AMPH: variants seen among roughly 807,000 people sequenced by gnomAD.
The protein encoded by AMPH is amphiphysin, also known as amphiphysin (Stiff-Mann syndrome with breast cancer 128kD autoantigen).
In AMPH, 49 loss-of-function variants were observed where a neutral mutation model predicts 99.1. The observed-to-expected ratio is 0.49, with a 90% CI of 0.39 to 0.63. The LOEUF (loss-of-function observed/expected upper bound fraction) is 0.63, where lower values mean the gene tolerates loss of function less well. Ranked by LOEUF, AMPH falls within the 20% of genes least tolerant of loss-of-function variation. The probability of loss-of-function intolerance (pLI) is 0.00; values close to 1 mark genes in which losing one functional copy is unlikely to be tolerated. For missense variants in AMPH, 759 were observed against 863.4 expected (o/e 0.88, Z 1.52); for synonymous variants, 314 against 317.3 (o/e 0.99, Z 0.11).
intron 5 of AMPH, among the ~76,000 whole-genome samples, chr7:38,478,833 G>T (rs1169599265): frequency 1.3e-5 from 2 of 152,064 alleles, no homozygotes; most frequent in African/African-American, 4.8e-5. Context: ...AGGAAAAATT[G>T]ATTCAGTGGG....
intron 17 of AMPH, among the ~76,000 whole-genome samples, chr7:38,407,021 C>CCT (rs71558121): frequency 0.045 from 165 of 3,706 alleles, 21 homozygotes; most frequent in South Asian, 0.15. Flanking sequence ...CTAATAGACT[C>CCT]CTCTCTCTCT....
At chr7:38,428,037 T>A in intron 14 of AMPH, 1 of 456,708 alleles carries the variant, frequency 2.2e-6, no homozygotes, top group South Asian at 1.5e-5. Context: ...AATGGCTTGT[T>A]CCCTACAATC....
chr7:38,505,804 C>T (rs1168831590), intron 2 of AMPH, among the ~76,000 whole-genome samples: 3 of 151,884 alleles, frequency 2.0e-5, no homozygotes, highest in African/African-American at 7.3e-5. Flanking sequence ...GGGTCTTTCC[C>T]CTACTAAATA....
chr7:38,517,964 G>T (rs1391425619), intron 2 of AMPH, among the ~76,000 whole-genome samples: 3 of 152,178 alleles, frequency 2.0e-5, no homozygotes, highest in African/African-American at 4.8e-5. Flanking sequence ...TAGAAGGGCT[G>T]AACAGTTTTG....
At chr7:38,580,497 G>A (rs1024223082) in intron 1 of AMPH, among the ~76,000 whole-genome samples, 2 of 152,200 alleles carry the variant, frequency 1.3e-5, no homozygotes, top group East Asian at 1.9e-4. Flanking sequence ...CAGGTTGGAC[G>A]TCCTCCCATA....
At chr7:38,432,161 T>G (rs756074169) in intron 13 of AMPH, 28 bp downstream of exon 13, 2 of 1,603,792 alleles carry the variant, frequency 1.2e-6, no homozygotes, top group Non-Finnish European at 1.7e-6. Flanking sequence ...TCAAGATACA[T>G]GAAAAAACAG....
At chr7:38,543,048 C>T (rs571016286) in intron 1 of AMPH, among the ~76,000 whole-genome samples, 5 of 150,976 alleles carry the variant, frequency 3.3e-5, no homozygotes, top group Non-Finnish European at 5.9e-5. Flanking sequence ...GAGCCGAGAT[C>T]GTGCCACTGC....
At chr7:38,536,724 A>C (rs1790618185) in intron 1 of AMPH, among the ~76,000 whole-genome samples, 1 of 152,108 alleles carries the variant, frequency 6.6e-6, no homozygotes, top group Non-Finnish European at 1.5e-5. Flanking sequence ...ATTTTTCAGA[A>C]GCTGCAGGAA....
chr7:38,620,817 T>C (rs1794034128), intron 1 of AMPH, among the ~76,000 whole-genome samples: 1 of 152,152 alleles, frequency 6.6e-6, no homozygotes. Context: ...GGATGACAGA[T>C]AGTTCAGAGG....
At chr7:38,493,746 A>G (rs1788815595) in intron 4 of AMPH, among the ~76,000 whole-genome samples, 1 of 152,040 alleles carries the variant, frequency 6.6e-6, no homozygotes, top group Non-Finnish European at 1.5e-5. Context: ...GCTCTTCTGA[A>G]CTCCTGTCCC....
chr7:38,497,434 T>C (rs10951559), intron 3 of AMPH, among the ~76,000 whole-genome samples: 150,182 of 152,330 alleles, frequency 0.99, 74,041 homozygotes, highest in East Asian at 1. Flanking sequence ...ACTTCACTCT[T>C]TTCAAAATTT....
chr7:38,491,323 G>C (rs761693350), intron 4 of AMPH, among the ~76,000 whole-genome samples, 178 bp from the exon 5 acceptor site: 2 of 152,158 alleles, frequency 1.3e-5, no homozygotes, highest in African/African-American at 4.8e-5. Flanking sequence ...TTTGGCCACT[G>C]GTTCTAGTTA....
chr7:38,404,677 G>T (rs768519172), intron 17 of AMPH, among the ~76,000 whole-genome samples: 14 of 152,102 alleles, frequency 9.2e-5, no homozygotes, highest in Non-Finnish European at 2.1e-4. Flanking sequence ...AATAAGAAGT[G>T]ACAGCTTCTT....
At chr7:38,568,806 G>A (rs1320269447) in intron 1 of AMPH, among the ~76,000 whole-genome samples, 1 of 152,164 alleles carries the variant, frequency 6.6e-6, no homozygotes, top group African/African-American at 2.4e-5. Flanking sequence ...GGCCATGTGT[G>A]CAGGAGGGAC....
chr7:38,414,972 T>C (rs1785326140), intron 17 of AMPH, among the ~76,000 whole-genome samples: 1 of 151,824 alleles, frequency 6.6e-6, no homozygotes, highest in African/African-American at 2.4e-5. Flanking sequence ...CCCCAAATCA[T>C]TTTTTTTCTA....
rs368378526 is a variant in AMPH at position 38,585,117 on chromosome 7, GT to G, written c.69+46165del. On this transcript the variant is annotated intron_variant, in intron 1 of 20. Transcript: ENST00000356264. ...AATCATCATCACAATTCACACAACTGTTTATTTACGGGGTGCCAGTTAAGTA... is the reference window on the plus strand; with the variant it reads ...AATCATCATCACAATTCACACAACTGTTATTTACGGGGTGCCAGTTAAGTA... Among the ~76,000 whole-genome samples the G allele has an allele frequency of 3.4e-4, 52 of 152,190 alleles. 1 individual carries two copies. In the East Asian group the frequency reaches 9.7e-3, roughly 28 times the overall value.
intron 1 of AMPH, among the ~76,000 whole-genome samples, chr7:38,580,174 T>C (rs1486308499): frequency 6.6e-6 from 1 of 152,180 alleles, no homozygotes; most frequent in Non-Finnish European, 1.5e-5. Context: ...TTTTTATGCC[T>C]TTCTCTTCCT....
intron 17 of AMPH, among the ~76,000 whole-genome samples, chr7:38,402,936 T>A (rs1223800360): frequency 2.0e-5 from 3 of 152,214 alleles, no homozygotes; most frequent in Non-Finnish European, 4.4e-5. Context: ...CTAGTAATAG[T>A]GAATCTGATT....
At chr7:38,400,211 G>A (rs1441267703) in intron 17 of AMPH, among the ~76,000 whole-genome samples, 1 of 152,138 alleles carries the variant, frequency 6.6e-6, no homozygotes, top group Non-Finnish European at 1.5e-5. Context: ...GAGTAGCTGG[G>A]ATTACAGGCA....
Sources: gnomAD v4.1 joint callset for allele counts (sites outside exome capture counted in the v4.1 genomes callset) on GRCh38, gnomAD v4.1.1 for gene constraint, MANE v1.5 for transcripts, NCBI Gene and HGNC (gene_info 2026-07-23, HGNC 2026-07-21) for gene names.